Variants in NRXN3 observed in about 807,000 individuals in gnomAD.
NRXN3 encodes the protein neurexin III.
Under a neutral mutation model 137.6 loss-of-function variants are expected in NRXN3, and 32 were observed. That is an observed-to-expected ratio of 0.23 (90% CI 0.18 to 0.31). NRXN3 has a LOEUF of 0.31. Among genes scored for constraint, NRXN3 ranks in the 10% least tolerant of loss-of-function variants. The pLI is 1.00. For synonymous variants in NRXN3, 798 were observed against 784.5 expected (o/e 1.02, Z -0.29); for missense variants, 1,574 against 2,062.5 (o/e 0.76, Z 4.59).
intron 4 of NRXN3, among the ~76,000 whole-genome samples, chr14:78,450,528 A>T (rs2094526832): frequency 6.6e-6 from 1 of 152,104 alleles, no homozygotes; most frequent in South Asian, 2.1e-4. Flanking sequence ...CGCACGCTTT[A>T]CTTAATAACT....
rs116742480 is a variant in NRXN3 at position 79,647,411 on chromosome 14, A to G, written c.3445-16367A>G. On this transcript the variant is annotated intron_variant, in intron 16 of 20. Transcript: ENST00000335750. ...TTTCTATACGGAACGGTCTGCTGTCATGCAACTTTCAAATAATGCATTTTA... is the reference window on the plus strand; with the variant it reads ...TTTCTATACGGAACGGTCTGCTGTCGTGCAACTTTCAAATAATGCATTTTA... Among the ~76,000 whole-genome samples, 391 of 135,928 alleles carry G rather than the reference A, an allele frequency of 2.9e-3. 14 individuals carry two copies. Among genetic ancestry groups the G allele is most frequent in the African/African-American group, 9.4e-3 (385 of 40,922 alleles). 89.2% of individuals were successfully genotyped at this position (135,928 alleles called of 152,430 possible). A position where few individuals can be genotyped will look rare whatever the true frequency, so the allele number is the denominator to read the frequency against.
chr14:78,210,704 C>A (rs915389389), intron 1 of NRXN3, among the ~76,000 whole-genome samples: 1 of 151,558 alleles, frequency 6.6e-6, no homozygotes. Context: ...CAGGCAACCA[C>A]GATGTAGTTT....
chr14:78,992,649 A>G (rs992648522), intron 15 of NRXN3, among the ~76,000 whole-genome samples: 6 of 152,138 alleles, frequency 3.9e-5, no homozygotes, highest in African/African-American at 9.7e-5. Flanking sequence ...ACCCTCCTGC[A>G]TGCACCCACA....
rs932575560 is a variant in NRXN3 at position 78,243,658 on chromosome 14, C to G, written c.565C>G (p.Leu189Val). ...LKYGNSEPRL[L>V]GSRGVQMDAE... ...GTATGGAAACTCGGAGCCTCGGCTT[C>G]TGGGGAGCCGGGGTGTCCAGATGGA... Residue 189 changes from leucine (L) to valine (V), a missense_variant, in exon 2 of 21, where the codon CTG becomes GTG. Around this residue, in one of 5 missense-constraint regions of NRXN3, gnomAD observed 400 missense variants for 527.3 expected, o/e 0.76. Coordinates refer to ENST00000335750, the MANE Select transcript of NRXN3 (RefSeq NM_001330195.2). The surrounding 1 kb of genome is among the most constrained non-coding windows in gnomAD (Gnocchi z 4.2). 3 of 1,598,436 alleles carry G rather than the reference C, an allele frequency of 1.9e-6. No homozygotes were observed. The highest frequency in any genetic ancestry group is 1.7e-6 in the Non-Finnish European group (2 of 1,179,818).
At chr14:78,474,849 C>T (rs2095350455) in intron 4 of NRXN3, among the ~76,000 whole-genome samples, 1 of 152,232 alleles carries the variant, frequency 6.6e-6, no homozygotes. Context: ...AGTACTTTTG[C>T]ATCCTGCATA....
At chr14:79,074,304 T>G (rs2045612614) in intron 15 of NRXN3, among the ~76,000 whole-genome samples, 1 of 152,220 alleles carries the variant, frequency 6.6e-6, no homozygotes, top group Non-Finnish European at 1.5e-5. Flanking sequence ...AAAATGATAA[T>G]GTACTTCCAA....
chr14:78,335,238 G>A (rs1437731562), intron 4 of NRXN3, among the ~76,000 whole-genome samples: 1 of 152,114 alleles, frequency 6.6e-6, no homozygotes, highest in African/African-American at 2.4e-5. Context: ...GGCTCCCTTG[G>A]GAGGAAAAAG....
chr14:78,914,189 T>A (rs376905918), intron 10 of NRXN3, among the ~76,000 whole-genome samples: 1 of 152,180 alleles, frequency 6.6e-6, no homozygotes, highest in Non-Finnish European at 1.5e-5. Flanking sequence ...TGTGTGTGCA[T>A]GGATTGGTGA....
intron 15 of NRXN3, among the ~76,000 whole-genome samples, chr14:79,144,036 A>C (rs1204475228): frequency 2.0e-5 from 3 of 152,182 alleles, no homozygotes; most frequent in Non-Finnish European, 2.9e-5. Flanking sequence ...GTAGTAGAAA[A>C]CACTTCATTG....
At chr14:79,552,780 TCAAA>T (rs956999779) in intron 16 of NRXN3, among the ~76,000 whole-genome samples, 2 of 152,112 alleles carry the variant, frequency 1.3e-5, no homozygotes, top group Admixed American at 6.6e-5. Context: ...GAACTGCGCT[TCAAA>T]CAAAGGTTGT....
intron 16 of NRXN3, among the ~76,000 whole-genome samples, chr14:79,640,128 G>T (rs2098425402): frequency 7.4e-6 from 1 of 135,272 alleles, no homozygotes; most frequent in South Asian, 2.3e-4. Context: ...AAGCCAGGGA[G>T]GCCAACTTAA....
chr14:79,511,767 G>A (rs2096934671), intron 16 of NRXN3, among the ~76,000 whole-genome samples: 1 of 152,102 alleles, frequency 6.6e-6, no homozygotes, highest in South Asian at 2.1e-4. Context: ...CAGACCCCTT[G>A]CCTCAACTGG....
At chr14:79,144,074 T>C (rs559055504) in intron 15 of NRXN3, among the ~76,000 whole-genome samples, 6 of 152,318 alleles carry the variant, frequency 3.9e-5, no homozygotes, top group African/African-American at 1.4e-4. Context: ...GGCACTTACG[T>C]TGTGGGACAC....
chr14:79,323,200 A>G (rs989497601), intron 15 of NRXN3, among the ~76,000 whole-genome samples: 1 of 151,936 alleles, frequency 6.6e-6, no homozygotes, highest in Non-Finnish European at 1.5e-5. Flanking sequence ...TGCCCCACTA[A>G]TTTTTTTATA....
intron 15 of NRXN3, among the ~76,000 whole-genome samples, chr14:79,285,915 G>A (rs1347282157): frequency 8.0e-6 from 1 of 124,502 alleles, no homozygotes; most frequent in African/African-American, 3.1e-5. Flanking sequence ...AAACTGTACT[G>A]TTCAGTGAAT....
chr14:79,247,122 G>A (rs2075300292), intron 15 of NRXN3: 1 of 152,064 alleles, frequency 6.6e-6, no homozygotes, highest in Admixed American at 6.6e-5. Context: ...AAAGAAAAAG[G>A]AAAAACCAAG....
rs1246087121 is a variant in NRXN3, at chr14:79,668,022, C to A, written c.3616+4073C>A. On this transcript the variant is annotated intron_variant, in intron 17 of 20. Coordinates refer to ENST00000335750, the MANE Select transcript of NRXN3 (RefSeq NM_001330195.2). Reference sequence around the variant, plus strand: ...ATGCAGACTGATACACAGCTTCAATCTTTGTATGTCAGGGGGTGCTGAGGA... The same window carrying A: ...ATGCAGACTGATACACAGCTTCAATATTTGTATGTCAGGGGGTGCTGAGGA... 2.0e-5 allele frequency among the ~76,000 whole-genome samples: 3 copies of A among 152,076 alleles called. No homozygotes were observed. In the East Asian group the frequency reaches 5.8e-4, roughly 30 times the overall value.
chr14:78,358,934 T>C (rs2084719157), intron 4 of NRXN3, among the ~76,000 whole-genome samples: 1 of 152,186 alleles, frequency 6.6e-6, no homozygotes, highest in Admixed American at 6.5e-5. Flanking sequence ...ATGGTCTCCA[T>C]TGCTCAAGCC....
chr14:78,879,865 C>T (rs1425476656), intron 10 of NRXN3, among the ~76,000 whole-genome samples: 2 of 152,312 alleles, frequency 1.3e-5, no homozygotes, highest in Middle Eastern at 3.4e-3. Context: ...GGGACCCCCC[C>T]TGCCCCCCAA....
Sources: gnomAD v4.1 joint callset for allele counts (sites outside exome capture counted in the v4.1 genomes callset) on GRCh38, gnomAD v4.1.1 for gene constraint, gnomAD v4.1.1 regional missense constraint, Gnocchi (gnomAD v3.1) non-coding constraint, MANE v1.5 for transcripts, NCBI Gene and HGNC (gene_info 2026-07-23, HGNC 2026-07-21) for gene names.